SPMIP3: variants seen among roughly 807,000 people sequenced by gnomAD.
SPMIP3 encodes the protein sperm microtubule inner protein 3.
chr1:244,387,714 T>C, the SPMIP3 span, among the ~76,000 whole-genome samples: 1 of 151,688 alleles, frequency 6.6e-6, no homozygotes, highest in Non-Finnish European at 1.5e-5. Flanking sequence ...ACAGCAGGAG[T>C]GTAAGGAAGA....
the SPMIP3 span, among the ~76,000 whole-genome samples, chr1:244,362,639 G>T: frequency 6.6e-6 from 1 of 152,020 alleles, no homozygotes; most frequent in Non-Finnish European, 1.5e-5. Context: ...GTGGGAAAAT[G>T]ACCTGCCGCA....
the SPMIP3 span, chr1:244,375,640 TA>T: frequency 5.5e-5 from 27 of 486,866 alleles, no homozygotes; most frequent in African/African-American, 5.1e-4. Flanking sequence ...TTTTTTTTTT[TA>T]ATGAGTGGTG....
At chr1:244,357,194 T>C in the SPMIP3 span, among the ~76,000 whole-genome samples, 1 of 139,422 alleles carries the variant, frequency 7.2e-6, no homozygotes. Context: ...AGTGCTGAGA[T>C]GACAGGCACG....
At chr1:244,362,061 T>C in the SPMIP3 span, among the ~76,000 whole-genome samples, 55,012 of 152,198 alleles carry the variant, frequency 0.36, 11,495 homozygotes, top group Middle Eastern at 0.5. Context: ...GTACATTATA[T>C]AATGATTAGG....
At chr1:244,386,156 C>A in the SPMIP3 span, among the ~76,000 whole-genome samples, 1 of 152,080 alleles carries the variant, frequency 6.6e-6, no homozygotes, top group Non-Finnish European at 1.5e-5. Flanking sequence ...CCAGCCTGGG[C>A]AACAGAGTGA....
the SPMIP3 span, among the ~76,000 whole-genome samples, chr1:244,367,051 A>G: frequency 1.3e-5 from 2 of 152,082 alleles, no homozygotes; most frequent in African/African-American, 4.8e-5. Context: ...TCAGCCGAGC[A>G]TGATGCTGGG....
At chr1:244,375,461 C>G in the SPMIP3 span, 1 of 1,612,972 alleles carries the variant, frequency 6.2e-7, no homozygotes, top group Non-Finnish European at 8.5e-7. Context: ...GCAAAGAGAG[C>G]TCCCAGGTGA....
chr1:244,368,713 C>A, the SPMIP3 span, among the ~76,000 whole-genome samples: 1 of 152,226 alleles, frequency 6.6e-6, no homozygotes, highest in East Asian at 1.9e-4. Flanking sequence ...CCTGAGCCTG[C>A]CCTTGTGTGG....
the SPMIP3 span, among the ~76,000 whole-genome samples, chr1:244,380,123 C>CTTT: frequency 1.3e-3 from 148 of 115,532 alleles, 1 homozygote; most frequent in East Asian, 5.6e-3. Flanking sequence ...CAGAGTTTTT[C>CTTT]TTTTTTTTTT....
At chr1:244,378,486 A>T in the SPMIP3 span, 4 of 1,613,496 alleles carry the variant, frequency 2.5e-6, no homozygotes, top group Non-Finnish European at 3.4e-6. Context: ...AGACTTGACA[A>T]TTCCACCCAA....
chr1:244,375,400 G>A, the SPMIP3 span: 143 of 1,613,800 alleles, frequency 8.9e-5, no homozygotes, highest in African/African-American at 1.3e-3. Context: ...AGGAAGAGAC[G>A]TTCAAGGCTA....
chr1:244,354,524 TTGTG>T, the SPMIP3 span, among the ~76,000 whole-genome samples: 1 of 151,840 alleles, frequency 6.6e-6, no homozygotes, highest in Non-Finnish European at 1.5e-5. Flanking sequence ...CCCGGATAAT[TTGTG>T]TGTGTGTATT....
chr1:244,373,332 T>TTTTATATATATATATATATA, the SPMIP3 span, among the ~76,000 whole-genome samples: 82 of 85,190 alleles, frequency 9.6e-4, 9 homozygotes, highest in Non-Finnish European at 1.3e-3. Context: ...CAAAAAAAAA[T>TTTTATATATATATATATATA]TATATATATA....
At chr1:244,379,379 C>CT in the SPMIP3 span, among the ~76,000 whole-genome samples, 2 of 151,776 alleles carry the variant, frequency 1.3e-5, no homozygotes, top group Non-Finnish European at 2.9e-5. Context: ...TTGTTTAATT[C>CT]TTTTTTATAG....
chr1:244,367,681 G>A, the SPMIP3 span, among the ~76,000 whole-genome samples: 4 of 152,204 alleles, frequency 2.6e-5, no homozygotes, highest in Admixed American at 6.5e-5. Context: ...GGCCTGCTGT[G>A]CTCAGTTCCA....
the SPMIP3 span, among the ~76,000 whole-genome samples, chr1:244,369,850 C>T: frequency 6.7e-6 from 1 of 149,824 alleles, no homozygotes; most frequent in East Asian, 1.9e-4. Flanking sequence ...GGGTTCTCTG[C>T]CTAGCCGGGT....
chr1:244,360,509 TACACACAC>T, the SPMIP3 span, among the ~76,000 whole-genome samples: 2,885 of 59,054 alleles, frequency 0.049, 147 homozygotes, highest in East Asian at 0.36. Context: ...AAACGTGATA[TACACACAC>T]ACACACACAC....
chr1:244,352,831 C>A, the SPMIP3 span: 1 of 152,174 alleles, frequency 6.6e-6, no homozygotes, highest in South Asian at 2.1e-4. Flanking sequence ...ATTTTAGAGA[C>A]AGGAACTCAC....
chr1:244,378,537 C>T, the SPMIP3 span: 1 of 1,613,688 alleles, frequency 6.2e-7, no homozygotes, highest in Middle Eastern at 1.6e-4. Context: ...CCAACAAACA[C>T]TCATTCGATA....
Sources: gnomAD v4.1 joint callset for allele counts (sites outside exome capture counted in the v4.1 genomes callset) on GRCh38, gnomAD v4.1.1 for gene constraint, MANE v1.5 for transcripts, NCBI Gene and HGNC (gene_info 2026-07-23, HGNC 2026-07-21) for gene names.